The following EPM2A variants were observed in gnomAD, a reference collection of about 807,000 sequenced individuals.
EPM2A encodes the protein EPM2A glucan phosphatase, laforin, also known as laforin.
In EPM2A, 21 loss-of-function variants were observed where a neutral mutation model predicts 26.5. The observed-to-expected ratio is 0.79, with a 90% CI of 0.56 to 1.14. EPM2A has a LOEUF of 1.14. EPM2A is among the 50% of genes most tolerant of loss of function. The probability of loss-of-function intolerance (pLI) is 0.00; values close to 1 mark genes in which losing one functional copy is unlikely to be tolerated. For missense variants in EPM2A, 458 were observed against 440.8 expected, an observed-to-expected ratio of 1.04 and a Z score of -0.35; for synonymous variants, 217 against 177.6, an observed-to-expected ratio of 1.22 and a Z score of -1.76.
intron 4 of EPM2A, among the ~76,000 whole-genome samples, chr6:145,407,416 C>T (rs566740956): frequency 2.0e-5 from 3 of 152,060 alleles, no homozygotes; most frequent in South Asian, 4.1e-4. Context: ...ATTAGCCATA[C>T]AATTTAATAA....
At chr6:145,485,156 T>C (rs1437954960) in intron 4 of EPM2A, among the ~76,000 whole-genome samples, 2 of 151,774 alleles carry the variant, frequency 1.3e-5, no homozygotes, top group Non-Finnish European at 2.9e-5. Context: ...TTGCCTGAGA[T>C]CCAATTTTGG....
chr6:145,577,430 A>G (rs1781047601), intron 2 of EPM2A, among the ~76,000 whole-genome samples: 1 of 152,070 alleles, frequency 6.6e-6, no homozygotes, highest in African/African-American at 2.4e-5. Context: ...TCAAGACAAA[A>G]ACTATGAAAA....
At chr6:145,690,521 G>GAAA (rs145052340) in intron 1 of EPM2A, among the ~76,000 whole-genome samples, 82 of 87,006 alleles carry the variant, frequency 9.4e-4, no homozygotes, top group African/African-American at 1.1e-3. Context: ...CGTCTCAAAA[G>GAAA]AAAAAAAAAA....
intron 2 of EPM2A, among the ~76,000 whole-genome samples, chr6:145,661,789 A>AACTGTAAAT (rs1778727910): frequency 6.6e-6 from 1 of 152,190 alleles, no homozygotes; most frequent in Non-Finnish European, 1.5e-5. Context: ...ATGGCTCTTG[A>AACTGTAAAT]AACCCCCTCA....
At chr6:145,529,213 A>C (rs1458584289) in intron 2 of EPM2A, among the ~76,000 whole-genome samples, 1 of 152,214 alleles carries the variant, frequency 6.6e-6, no homozygotes, top group Non-Finnish European at 1.5e-5. Flanking sequence ...AATATTTTAT[A>C]AATTTAGTTG....
chr6:145,474,222 G>A (rs922635897), intron 4 of EPM2A, among the ~76,000 whole-genome samples: 1 of 152,184 alleles, frequency 6.6e-6, no homozygotes, highest in Non-Finnish European at 1.5e-5. Context: ...AGCACTTTGG[G>A]AAGCCAAGGT....
intron 2 of EPM2A, among the ~76,000 whole-genome samples, chr6:145,595,918 T>C (rs1321951402): frequency 2.0e-5 from 3 of 152,168 alleles, no homozygotes; most frequent in Non-Finnish European, 4.4e-5. Context: ...CTGATGTCAA[T>C]GGAAACACCC....
rs142302317 is a variant in EPM2A, at chr6:145,724,200, C to A, written c.301+10998G>T. Among the ~76,000 whole-genome samples, 379 of 152,040 alleles carry A rather than the reference C, an allele frequency of 2.5e-3. 4 individuals carry two copies. Among genetic ancestry groups the A allele is most frequent in the African/African-American group, 8.6e-3 (356 of 41,484 alleles). On this transcript the variant is annotated intron_variant, in intron 1 of 3. Transcript: ENST00000367519. Reference sequence around the variant, plus strand: ...AGTAACTTAACTGTCAGAAACTAATCCAAATTCTATGAAACAATGGAAATT... The same window carrying A: ...AGTAACTTAACTGTCAGAAACTAATACAAATTCTATGAAACAATGGAAATT...
chr6:145,676,844 A>G (rs1780079520), intron 2 of EPM2A, among the ~76,000 whole-genome samples: 1 of 152,202 alleles, frequency 6.6e-6, no homozygotes, highest in Admixed American at 6.5e-5. Context: ...AAATTCTATG[A>G]GAGGTACAAA....
chr6:145,538,571 G>A (rs1442124380), intron 2 of EPM2A, among the ~76,000 whole-genome samples: 1 of 152,194 alleles, frequency 6.6e-6, no homozygotes, highest in East Asian at 1.9e-4. Flanking sequence ...CGCCTTTCCA[G>A]CTGAGCTCAG....
chr6:145,603,358 T>C (rs1053425319), intron 2 of EPM2A, among the ~76,000 whole-genome samples: 2 of 152,058 alleles, frequency 1.3e-5, no homozygotes, highest in African/African-American at 4.8e-5. Flanking sequence ...GATGAGAAGT[T>C]ATTCTTGCCT....
intron 4 of EPM2A, among the ~76,000 whole-genome samples, chr6:145,482,981 T>C (rs1009294851): frequency 6.6e-6 from 1 of 152,070 alleles, no homozygotes; most frequent in African/African-American, 2.4e-5. Flanking sequence ...AAACTGTTTG[T>C]TGTCTTGACA....
At chr6:145,702,218 T>C (rs1781952945) in intron 1 of EPM2A, among the ~76,000 whole-genome samples, 1 of 152,226 alleles carries the variant, frequency 6.6e-6, no homozygotes, top group African/African-American at 2.4e-5. Flanking sequence ...CAAAGTCATC[T>C]GCTAGTTTCC....
At chr6:145,721,294 G>A (rs1160070470) in intron 1 of EPM2A, 1 of 152,182 alleles carries the variant, frequency 6.6e-6, no homozygotes, top group Non-Finnish European at 1.5e-5. Flanking sequence ...AATTGAAACT[G>A]TTGGGCTTCT....
chr6:145,560,202 C>G lies in EPM2A; in HGVS notation c.341-57627G>C, dbSNP rs1780785234. 2.0e-5 allele frequency among the ~76,000 whole-genome samples: 3 copies of G among 152,194 alleles called. No individual in the cohort carries two copies. In the South Asian group the frequency reaches 6.2e-4, roughly 32 times the overall value. ...TTTGCCTCAATGATAATTCTCCTCT[C>G]AGTAAATCATTTCTGCTTAGGCTAT... On this transcript the variant is annotated intron_variant, in intron 2 of 3. Coordinates refer to the EPM2A transcript ENST00000450221.
At chr6:145,487,688 T>C (rs1779696398) in intron 4 of EPM2A, among the ~76,000 whole-genome samples, 1 of 152,192 alleles carries the variant, frequency 6.6e-6, no homozygotes, top group Non-Finnish European at 1.5e-5. Flanking sequence ...TGTAAATTTA[T>C]TTAAGTTCCT....
At chr6:145,684,116 TAAGTAA>T (rs1780747902) in intron 2 of EPM2A, among the ~76,000 whole-genome samples, 1 of 151,518 alleles carries the variant, frequency 6.6e-6, no homozygotes, top group Admixed American at 6.6e-5. Context: ...AATAACAGAA[TAAGTAA>T]AAGTCCATGA....
At chr6:145,478,667 T>G (rs543237438) in intron 4 of EPM2A, among the ~76,000 whole-genome samples, 1 of 151,966 alleles carries the variant, frequency 6.6e-6, no homozygotes, top group East Asian at 1.9e-4. Context: ...ACATTTCCCT[T>G]TAAGAAGCCT....
chr6:145,506,556 T>A (rs1779976565), intron 2 of EPM2A, among the ~76,000 whole-genome samples: 1 of 151,640 alleles, frequency 6.6e-6, no homozygotes, highest in South Asian at 2.1e-4. Context: ...AATTAAAAAT[T>A]AAATATATAT....
Sources: gnomAD v4.1 joint callset for allele counts (sites outside exome capture counted in the v4.1 genomes callset) on GRCh38, gnomAD v4.1.1 for gene constraint, MANE v1.5 for transcripts, NCBI Gene and HGNC (gene_info 2026-07-23, HGNC 2026-07-21) for gene names.